Variants in BMP5 observed in about 807,000 individuals in gnomAD.
BMP5 encodes bone morphogenetic protein 5.
Under a neutral mutation model 46.6 loss-of-function variants are expected in BMP5, and 23 were observed. That is an observed-to-expected ratio of 0.49 (90% confidence interval 0.35 to 0.70). BMP5 has a LOEUF of 0.70. Ranked by LOEUF, BMP5 falls within the 30% of genes least tolerant of loss-of-function variation. The pLI, the probability that BMP5 is intolerant of heterozygous loss-of-function variation, is 0.00. For missense variants in BMP5, 545 were observed against 565.6 expected (o/e 0.96, Z 0.37); for synonymous variants, 204 against 191.9 (o/e 1.06, Z -0.52).
At chr6:55,850,385 GATA>G (rs1777206311) in intron 1 of BMP5, among the ~76,000 whole-genome samples, 5 of 149,400 alleles carry the variant, frequency 3.3e-5, no homozygotes, top group African/African-American at 1.3e-4. Context: ...TAGATAGATA[GATA>G]GATAGATCGA....
chr6:55,798,840 T>C (rs752385562), intron 2 of BMP5, among the ~76,000 whole-genome samples: 1 of 152,144 alleles, frequency 6.6e-6, no homozygotes, highest in Non-Finnish European at 1.5e-5. Flanking sequence ...TGAGTGCCTT[T>C]TATTTTAGTG....
At chr6:55,867,427 T>G (rs1291654165) in intron 1 of BMP5, among the ~76,000 whole-genome samples, 1 of 152,142 alleles carries the variant, frequency 6.6e-6, no homozygotes, top group Non-Finnish European at 1.5e-5. Flanking sequence ...CACAACACTA[T>G]AAACATTATA....
chr6:55,779,652 A>G (rs1442022824), intron 3 of BMP5, among the ~76,000 whole-genome samples: 1 of 152,078 alleles, frequency 6.6e-6, no homozygotes, highest in Non-Finnish European at 1.5e-5. Flanking sequence ...CTTAAATTCT[A>G]TATATACTTA....
At chr6:55,760,131 A>G (rs1430654714) in intron 5 of BMP5, among the ~76,000 whole-genome samples, 1 of 151,956 alleles carries the variant, frequency 6.6e-6, no homozygotes, top group Non-Finnish European at 1.5e-5. Flanking sequence ...AGTTACTTAT[A>G]CTAATATGAA....
intron 6 of BMP5, among the ~76,000 whole-genome samples, chr6:55,756,690 A>T (rs1774613587): frequency 6.6e-6 from 1 of 151,948 alleles, no homozygotes. Flanking sequence ...GGACAGAAAC[A>T]GCAGGAAAAA....
intron 1 of BMP5, among the ~76,000 whole-genome samples, chr6:55,837,640 C>A (rs1479404193): frequency 1.3e-5 from 2 of 152,118 alleles, no homozygotes. Flanking sequence ...AGCATTTATT[C>A]TTTGAGTTAC....
At chr6:55,853,072 G>A (rs1777285345) in intron 1 of BMP5, among the ~76,000 whole-genome samples, 1 of 151,648 alleles carries the variant, frequency 6.6e-6, no homozygotes, top group Non-Finnish European at 1.5e-5. Flanking sequence ...GGAGATTGCA[G>A]TGAGCCGAGA....
intron 2 of BMP5, among the ~76,000 whole-genome samples, chr6:55,819,323 T>C (rs1052591990): frequency 6.6e-6 from 1 of 152,194 alleles, no homozygotes; most frequent in African/African-American, 2.4e-5. Context: ...TTATCTTAAT[T>C]ATACATTTCA....
At chr6:55,797,618 T>TC (rs1422529536) in intron 2 of BMP5, among the ~76,000 whole-genome samples, 91 of 144,406 alleles carry the variant, frequency 6.3e-4, no homozygotes, top group Admixed American at 1.4e-3. Flanking sequence ...TCTTTTCTTT[T>TC]TTTTTTTTTT....
chr6:55,766,409 A>G lies in BMP5; in HGVS notation c.1028-5876T>C, dbSNP rs1486338178. ...ACATCTAACAATTTGGCTTATAGCT[A>G]TATCTTTTCCCTACACATTCCACTT... On this transcript the variant is annotated intron_variant, in intron 4 of 6. Coordinates refer to ENST00000370830, the MANE Select transcript of BMP5 (RefSeq NM_021073.4). 2.0e-5 allele frequency among the ~76,000 whole-genome samples: 3 copies of G among 151,958 alleles called. No homozygotes were observed. The East Asian group carries it at 5.8e-4, about 30-fold the overall frequency.
In BMP5 at chr6:55,874,881, A is replaced by G. The variant is rs776195323; in HGVS notation, c.-16T>C. ...TCAGATGCATTTTTGTCCAAAAGCA[A>G]AAGTTGATATTTTTAGTCCTTCTTG... On this transcript the variant is annotated 5_prime_UTR_variant, in exon 1 of 7. Transcript: ENST00000370830. 1.9e-6 allele frequency: 3 copies of G among 1,612,480 alleles called. No homozygotes were observed. The highest frequency in any genetic ancestry group is 2.2e-5 in the South Asian group (2 of 90,972).
intron 2 of BMP5, among the ~76,000 whole-genome samples, chr6:55,814,888 G>A (rs1776218067): frequency 6.6e-6 from 1 of 152,152 alleles, no homozygotes; most frequent in African/African-American, 2.4e-5. Flanking sequence ...CCAACACTTT[G>A]GGAGGCTGAG....
In BMP5 at chr6:55,774,118, T is replaced by G; in HGVS notation, c.958A>C (p.Lys320Gln). 1.2e-6 allele frequency: 2 copies of G among 1,613,128 alleles called. No individual in the cohort carries two copies. Among genetic ancestry groups the G allele is most frequent in the Non-Finnish European group, 1.7e-6 (2 of 1,179,432 alleles). ...TTATTGCGGTTTTGATTTTTTCGTT[T>G]GTTGGCTGCTCTCACGGATCGAAGA... ...VLLRSVRAAN[K>Q]RKNQNRNKSS... Residue 320 changes from lysine (K) to glutamine (Q), a missense_variant, in exon 4 of 7, where the codon AAA (lysine) becomes CAA (glutamine). By Grantham distance (53) the Lys-to-Gln change is moderately conservative (BLOSUM62 1). Transcript: ENST00000370830.
At chr6:55,763,118 A>T (rs556139621) in intron 4 of BMP5, among the ~76,000 whole-genome samples, 1 of 152,246 alleles carries the variant, frequency 6.6e-6, no homozygotes, top group South Asian at 2.1e-4. Flanking sequence ...ACTCTGCATT[A>T]GGTAATAATG....
intron 2 of BMP5, among the ~76,000 whole-genome samples, chr6:55,812,048 A>G (rs912490805): frequency 3.9e-5 from 6 of 152,144 alleles, no homozygotes; most frequent in Non-Finnish European, 7.4e-5. Flanking sequence ...AAGCACTCCA[A>G]GCTCAGCTGA....
At chr6:55,757,481 C>A (rs992353928) in intron 6 of BMP5, among the ~76,000 whole-genome samples, 1 of 151,900 alleles carries the variant, frequency 6.6e-6, no homozygotes, top group African/African-American at 2.4e-5. Context: ...TTCTCATATA[C>A]AAAGAGAAAA....
chr6:55,837,731 C>A (rs115840556), intron 1 of BMP5, among the ~76,000 whole-genome samples: 3 of 152,040 alleles, frequency 2.0e-5, no homozygotes, highest in African/African-American at 7.2e-5. Flanking sequence ...TGTTGTGCTA[C>A]CAAAGAGTAG....
At chr6:55,820,785 TG>T (rs1296142077) in intron 1 of BMP5, among the ~76,000 whole-genome samples, 2 of 152,092 alleles carry the variant, frequency 1.3e-5, no homozygotes, top group Non-Finnish European at 2.9e-5. Context: ...TTCTTACCCC[TG>T]GTCCAGTACA....
intron 1 of BMP5, among the ~76,000 whole-genome samples, chr6:55,860,286 T>G (rs1019381228): frequency 1.3e-5 from 2 of 152,096 alleles, no homozygotes; most frequent in African/African-American, 4.8e-5. Flanking sequence ...AAAATTTTTT[T>G]AAAAAGTAAT....
Sources: gnomAD v4.1 joint callset for allele counts (sites outside exome capture counted in the v4.1 genomes callset) on GRCh38, gnomAD v4.1.1 for gene constraint, MANE v1.5 for transcripts, NCBI Gene and HGNC (gene_info 2026-07-23, HGNC 2026-07-21) for gene names.